The following C11orf16 variants were observed in gnomAD, a reference collection of about 807,000 sequenced individuals.
C11orf16 encodes uncharacterized protein C11orf16.
C11orf16 carries 38 observed loss-of-function variants against 45.1 expected under a neutral mutation model. That is an observed-to-expected ratio of 0.84 (90% CI 0.65 to 1.10). C11orf16 has a LOEUF of 1.10. Ranked by LOEUF, C11orf16 falls within the 50% of genes least tolerant of loss-of-function variation. C11orf16 has a pLI of 0.00. For synonymous variants in C11orf16, 221 were observed against 222.0 expected (o/e 1.00, Z 0.04); for missense variants, 583 against 569.5 (o/e 1.02, Z -0.24).
Position 8,932,153 on chromosome 11 carries a change from C to T in C11orf16, c.156G>A (p.Lys52=), listed in dbSNP as rs1196587931. The T allele has an allele frequency of 1.3e-6, 2 of 1,581,924 alleles. No individual in the cohort carries two copies. Among genetic ancestry groups the T allele is most frequent in the Admixed American group, 3.7e-5 (2 of 53,774 alleles). The part of the protein sequence containing the change: ...ALQAPWLTGH[K]PLARHASSCP... Reference sequence around the variant, plus strand: ...GCAGAGACAGGTACCTTGCAAGGGGCTTGTGCCCGGTGAGCCAGGGTGCTT... The same window carrying T: ...GCAGAGACAGGTACCTTGCAAGGGGTTTGTGCCCGGTGAGCCAGGGTGCTT... Residue 52 remains lysine (K), a synonymous_variant, in exon 2 of 7, where the codon AAG becomes AAA. Transcript: ENST00000326053.
chr11:8,928,886 A>T (rs1408443685), intron 3 of C11orf16: 2 of 153,718 alleles, frequency 1.3e-5, no homozygotes, highest in African/African-American at 4.8e-5. Flanking sequence ...AATTAAGATG[A>T]GGACTGAATA....
chr11:8,926,108 C>T lies in C11orf16; in HGVS notation c.560-1G>A. ...ACAGTGATTTCTTTTTCCTTTGATG[C>T]TACATAACAAAAAATGGCAACATTT... On this transcript the variant is annotated splice_acceptor_variant, in intron 4 of 6. Transcript: ENST00000326053. LOFTEE classifies it high-confidence loss of function. The T allele has an allele frequency of 6.4e-7, 1 of 1,558,038 alleles. No homozygotes were observed. Among genetic ancestry groups the T allele is most frequent in the Non-Finnish European group, 8.7e-7 (1 of 1,152,004 alleles).
intron 5 of C11orf16, among the ~76,000 whole-genome samples, chr11:8,923,661 G>A (rs1194947970): frequency 6.6e-6 from 1 of 151,396 alleles, no homozygotes; most frequent in African/African-American, 2.4e-5. Context: ...TCGCTGTGTC[G>A]CCCAGGCTGG....
chr11:8,927,068 G>C lies in C11orf16; in HGVS notation c.431C>G (p.Pro144Arg), dbSNP rs2568076. Reference protein sequence around the residue: ...QRVVLEEDVIPLSPSVGYSLR... With the variant: ...QRVVLEEDVIRLSPSVGYSLR... ...TGAGTATCCTACAGATGGTGAGAGA[G>C]GAATGACATCCTCTTCTAAGACCAC... The change falls in exon 4 of 7, where the codon CCT (proline) becomes CGT (arginine). Residue 144 changes from proline (P) to arginine (R), a missense_variant. Physicochemically the swap from Pro to Arg is moderately radical, Grantham distance 103. Coordinates refer to ENST00000326053, the MANE Select transcript of C11orf16 (RefSeq NM_020643.3). The C allele has an allele frequency of 6.2e-7, 1 of 1,614,144 alleles. No individual in the cohort carries two copies. Among genetic ancestry groups the C allele is most frequent in the Admixed American group, 1.7e-5 (1 of 60,016 alleles).
chr11:8,921,146 T>G (rs1589930765), intron 6 of C11orf16, 148 bp downstream of exon 6: 1 of 642,930 alleles, frequency 1.6e-6, no homozygotes, highest in East Asian at 2.7e-5. Context: ...ATAAGCCTTC[T>G]GAAATTACAT....
chr11:8,927,910 CTTT>C (rs970133150), intron 3 of C11orf16, among the ~76,000 whole-genome samples: 2 of 151,952 alleles, frequency 1.3e-5, no homozygotes, highest in Middle Eastern at 3.2e-3. Context: ...TGAAAATTGA[CTTT>C]TTTTTGTTTT....
intron 5 of C11orf16, among the ~76,000 whole-genome samples, chr11:8,924,132 G>GGCCT (rs1356892845): frequency 6.6e-6 from 1 of 152,090 alleles, no homozygotes; most frequent in Non-Finnish European, 1.5e-5. Flanking sequence ...CCAAAGCCCA[G>GGCCT]GGGTTCAGAG....
rs2064618732 is a variant in C11orf16 at position 8,927,015 on chromosome 11, G to A, written c.484C>T (p.Leu162Phe). The change falls in exon 4 of 7, where the codon CTC (leucine) becomes TTC (phenylalanine). Residue 162 changes from leucine (L) to phenylalanine (F), a missense_variant. Physicochemically the swap from Leu to Phe is conservative, Grantham distance 22. Coordinates refer to ENST00000326053, the MANE Select transcript of C11orf16 (RefSeq NM_020643.3). ...SLRPGDKVLA[L>F]WEPGQQQYGP... ...TACTGCTGTTGGCCTGGCTCCCAGA[G>A]TGCCAGCACCTTATCCCCTGGTCTC... 6.2e-7 allele frequency: 1 copy of A among 1,613,980 alleles called. No individual in the cohort carries two copies. The highest frequency in any genetic ancestry group is 1.3e-5 in the African/African-American group (1 of 74,908).
intron 5 of C11orf16, among the ~76,000 whole-genome samples, chr11:8,921,816 A>G (rs2064576794): frequency 6.6e-6 from 1 of 151,972 alleles, no homozygotes; most frequent in Non-Finnish European, 1.5e-5. Context: ...CTAATTGTTT[A>G]GTTTTTTGTA....
intron 3 of C11orf16, chr11:8,927,652 T>C (rs913097297): frequency 3.7e-5 from 17 of 456,596 alleles, no homozygotes; most frequent in African/African-American, 6.0e-5. Flanking sequence ...CAAGGAGCGA[T>C]TGTGGCCACA....
chr11:8,928,139 C>A (rs1354608734), intron 3 of C11orf16, among the ~76,000 whole-genome samples: 2 of 152,098 alleles, frequency 1.3e-5, no homozygotes, highest in African/African-American at 4.8e-5. Context: ...AATTTCTGAT[C>A]TCAGGTAACC....
chr11:8,929,094 C>T, intron 3 of C11orf16: 1 of 351,312 alleles, frequency 2.8e-6, no homozygotes, highest in Non-Finnish European at 5.1e-6. Context: ...CTTCATAGCT[C>T]TCAGAAGGAA....
intron 2 of C11orf16, among the ~76,000 whole-genome samples, chr11:8,929,873 CT>C (rs1809874602): frequency 6.6e-6 from 1 of 152,194 alleles, no homozygotes; most frequent in Non-Finnish European, 1.5e-5. Flanking sequence ...AATCCCAGCA[CT>C]TTGGGAGGCC....
chr11:8,926,185 C>CT (rs59858402), intron 4 of C11orf16, 78 bp from the exon 5 acceptor site: 71,362 of 874,664 alleles, frequency 0.082, 66 homozygotes, highest in Middle Eastern at 0.093. Flanking sequence ...TTTTTCTTTT[C>CT]TTTTTTTTTT....
rs1566112348 is a variant in C11orf16, at chr11:8,925,913, GC to G, written c.753del (p.Arg252AlafsTer44). On this transcript the variant is annotated frameshift_variant, in exon 5 of 7. Transcript: ENST00000326053. LOFTEE classifies it high-confidence loss of function. Reference protein sequence around the residue: ...PCCSLLGPITGRITNELPPDA... With the variant: ...PCCSLLGPITXRITNELPPDA... Reference sequence around the variant, plus strand: ...TCCGGAGGAAGCTCATTAGTGATGCGCCCAGTGATTGGCCCTAGCAGAGAGC... The same window carrying G: ...TCCGGAGGAAGCTCATTAGTGATGCGCCAGTGATTGGCCCTAGCAGAGAGC... 1.9e-6 allele frequency: 3 copies of G among 1,614,198 alleles called. No homozygotes were observed. The highest frequency in any genetic ancestry group is 2.5e-6 in the Non-Finnish European group (3 of 1,180,038).
chr11:8,927,688 A>G (rs889553916), intron 3 of C11orf16: 19 of 456,262 alleles, frequency 4.2e-5, no homozygotes, highest in African/African-American at 3.8e-4. Flanking sequence ...CTGCCCTTGC[A>G]GTCAACGAGG....
chr11:8,929,258 T>C (rs1206996949), intron 3 of C11orf16, 119 bp downstream of exon 3: 1 of 1,045,808 alleles, frequency 9.6e-7, no homozygotes, highest in Non-Finnish European at 1.4e-6. Flanking sequence ...AACATGGCCA[T>C]GGGAGAGCTG....
Position 8,929,935 on chromosome 11 carries a change from A to G in C11orf16, c.168-402T>C, listed in dbSNP as rs112455146. 3.0e-3 allele frequency among the ~76,000 whole-genome samples: 461 copies of G among 151,294 alleles called. 3 individuals carry two copies. Among genetic ancestry groups the G allele is most frequent in the African/African-American group, 0.011 (434 of 41,126 alleles). ...GAAATTCAAGACCAGCCTGGGCAACATGGTGAAATCCCATCTCTACCAAAA... is the reference window on the plus strand; with the variant it reads ...GAAATTCAAGACCAGCCTGGGCAACGTGGTGAAATCCCATCTCTACCAAAA... On this transcript the variant is annotated intron_variant, in intron 2 of 6. Coordinates refer to ENST00000326053, the MANE Select transcript of C11orf16 (RefSeq NM_020643.3).
rs2064573143 is a variant in C11orf16 at position 8,921,458 on chromosome 11, T to G, written c.1262A>C (p.Gln421Pro). Residue 421 changes from glutamine to proline, a missense_variant, in exon 6 of 7, where the codon CAA becomes CCA. Coordinates refer to ENST00000326053, the MANE Select transcript of C11orf16 (RefSeq NM_020643.3). Reference protein sequence around the residue: ...EEKDHKQQRAQTAVVGTTKEL... With the variant: ...EEKDHKQQRAPTAVVGTTKEL... ...CTTGGTAGTCCCCACTACTGCAGTT[T>G]GTGCTCTCTGCTGTTTGTGATCCTT... 2.5e-6 allele frequency: 4 copies of G among 1,614,224 alleles called. No individual in the cohort carries two copies. Among genetic ancestry groups the G allele is most frequent in the Non-Finnish European group, 3.4e-6 (4 of 1,180,018 alleles).
Sources: allele counts gnomAD v4.1 joint callset (sites outside exome capture counted in the v4.1 genomes callset), GRCh38; gene constraint gnomAD v4.1.1; transcripts MANE v1.5; gene names NCBI Gene and HGNC (gene_info 2026-07-23, HGNC 2026-07-21).